Variants in BCL2 observed in about 807,000 individuals in gnomAD.
BCL2 encodes the protein BCL2 apoptosis regulator, also known as apoptosis regulator Bcl-2.
In BCL2, 1 loss-of-function variant was observed where a neutral mutation model predicts 14.2. The ratio of observed to expected loss-of-function variants is 0.07; its 90% confidence interval spans 0.02 to 0.33. The LOEUF (loss-of-function observed/expected upper bound fraction) is 0.33. Ranked by LOEUF, BCL2 falls within the 10% of genes least tolerant of loss-of-function variation. The pLI, the probability that BCL2 is intolerant of heterozygous loss-of-function variation, is 0.99. For missense variants in BCL2, 247 were observed against 305.9 expected (o/e 0.81, Z 1.44); for synonymous variants, 151 against 137.2 (o/e 1.10, Z -0.70).
At chr18:63,229,419 C>T (rs375354162) in intron 2 of BCL2, among the ~76,000 whole-genome samples, 8 of 152,090 alleles carry the variant, frequency 5.3e-5, no homozygotes, top group African/African-American at 9.7e-5. Context: ...TTTGTCCCCC[C>T]GAATCTCATA....
intron 2 of BCL2, among the ~76,000 whole-genome samples, chr18:63,223,154 C>A (rs1046982372): frequency 6.6e-6 from 1 of 152,202 alleles, no homozygotes; most frequent in Non-Finnish European, 1.5e-5. Flanking sequence ...GTAATCCCAG[C>A]ACTTTGGGAG....
At chr18:63,315,858 T>C (rs1469393161) in intron 2 of BCL2, 1 of 151,894 alleles carries the variant, frequency 6.6e-6, no homozygotes, top group Admixed American at 6.6e-5. Flanking sequence ...CATTTCCTGG[T>C]ATATATATAT....
chr18:63,217,715 G>C (rs925806245), intron 2 of BCL2, among the ~76,000 whole-genome samples: 5 of 152,178 alleles, frequency 3.3e-5, no homozygotes, highest in African/African-American at 1.2e-4. Flanking sequence ...GGCTTTATCA[G>C]TGTTGAGCCT....
intron 2 of BCL2, among the ~76,000 whole-genome samples, chr18:63,178,260 A>T (rs1214921122): frequency 6.6e-6 from 1 of 152,190 alleles, no homozygotes; most frequent in Non-Finnish European, 1.5e-5. Context: ...TCCGCCGCTG[A>T]ACAGGAAAGC....
intron 2 of BCL2, among the ~76,000 whole-genome samples, chr18:63,291,240 T>C (rs552887128): frequency 6.6e-6 from 1 of 152,348 alleles, no homozygotes; most frequent in African/African-American, 2.4e-5. Flanking sequence ...CAATATCAAA[T>C]GCTTGAGGCG....
In BCL2 at chr18:63,162,982, G is replaced by A. The variant is rs1599217669; in HGVS notation, c.586-34223C>T. 2.6e-5 allele frequency among the ~76,000 whole-genome samples: 4 copies of A among 152,338 alleles called. No individual in the cohort carries two copies. In the South Asian group the frequency reaches 8.3e-4, roughly 32 times the overall value. ...TGATCCTCTTGCCTCAACCTCCTGA[G>A]TAGCTGGGACTATAGGCATGTGCCA... On this transcript the variant is annotated intron_variant, in intron 2 of 2. Transcript: ENST00000333681.
intron 2 of BCL2, among the ~76,000 whole-genome samples, chr18:63,280,515 A>C (rs143037342): frequency 3.6e-3 from 543 of 152,348 alleles, no homozygotes; most frequent in Non-Finnish European, 6.0e-3. Context: ...AAAAATCAAC[A>C]AAGAACTTGA....
intron 2 of BCL2, among the ~76,000 whole-genome samples, chr18:63,295,179 T>C (rs983159439): frequency 2.2e-4 from 33 of 150,904 alleles, no homozygotes; most frequent in African/African-American, 7.3e-4. Context: ...AAGATAATAA[T>C]AGTAATAATT....
At chr18:63,305,386 T>C (rs1182697264) in intron 2 of BCL2, among the ~76,000 whole-genome samples, 1 of 152,204 alleles carries the variant, frequency 6.6e-6, no homozygotes, top group African/African-American at 2.4e-5. Context: ...ATATCAGCTC[T>C]TCCTGTGCTT....
chr18:63,190,848 T>C (rs1247076287), intron 2 of BCL2, among the ~76,000 whole-genome samples: 1 of 152,194 alleles, frequency 6.6e-6, no homozygotes, highest in African/African-American at 2.4e-5. Context: ...CCTGATGCTC[T>C]CCCTCTCCTC....
intron 2 of BCL2, among the ~76,000 whole-genome samples, chr18:63,218,537 C>CA (rs1910272155): frequency 6.8e-6 from 1 of 146,062 alleles, no homozygotes; most frequent in Non-Finnish European, 1.5e-5. Flanking sequence ...TATCTCTCCA[C>CA]AACCTCCCTG....
intron 2 of BCL2, among the ~76,000 whole-genome samples, chr18:63,308,211 T>C (rs1913200494): frequency 6.6e-6 from 1 of 152,224 alleles, no homozygotes. Flanking sequence ...TTCTGTCGCC[T>C]CTGGGAATGC....
chr18:63,251,768 G>A (rs1330817374), intron 2 of BCL2, among the ~76,000 whole-genome samples: 1 of 149,254 alleles, frequency 6.7e-6, no homozygotes, highest in African/African-American at 2.5e-5. Flanking sequence ...GCGTGATCTC[G>A]TCTCACTACA....
chr18:63,157,567 C>G (rs1914815745), intron 2 of BCL2, among the ~76,000 whole-genome samples: 1 of 152,240 alleles, frequency 6.6e-6, no homozygotes, highest in Non-Finnish European at 1.5e-5. Context: ...TAAACTCCAG[C>G]TGGCTTTATC....
At chr18:63,130,555 C>T (rs568392709) in intron 2 of BCL2, among the ~76,000 whole-genome samples, 2 of 152,278 alleles carry the variant, frequency 1.3e-5, no homozygotes, top group South Asian at 4.1e-4. Context: ...TGAAATTACT[C>T]CTTCTATATG....
chr18:63,143,274 G>A (rs1294545131), intron 2 of BCL2, among the ~76,000 whole-genome samples: 1 of 152,228 alleles, frequency 6.6e-6, no homozygotes, highest in Non-Finnish European at 1.5e-5. Flanking sequence ...AGCAATCATG[G>A]ATGAGTTTTA....
chr18:63,238,826 G>A (rs1457213878), intron 2 of BCL2, among the ~76,000 whole-genome samples: 1 of 152,246 alleles, frequency 6.6e-6, no homozygotes, highest in Non-Finnish European at 1.5e-5. Context: ...GTACCAGCAA[G>A]ATGAGCGTAT....
intron 2 of BCL2, among the ~76,000 whole-genome samples, chr18:63,312,363 C>G (rs1440791612): frequency 6.6e-6 from 1 of 152,190 alleles, no homozygotes; most frequent in Non-Finnish European, 1.5e-5. Flanking sequence ...CTTATTCACA[C>G]TGAAGGACAG....
intron 2 of BCL2, among the ~76,000 whole-genome samples, chr18:63,305,408 C>T (rs1162162482): frequency 6.6e-6 from 1 of 152,164 alleles, no homozygotes; most frequent in Non-Finnish European, 1.5e-5. Context: ...TTGGCTCGTA[C>T]ACACCTTTGT....
Sources: allele counts gnomAD v4.1 joint callset (sites outside exome capture counted in the v4.1 genomes callset), GRCh38; gene constraint gnomAD v4.1.1; transcripts MANE v1.5; gene names NCBI Gene and HGNC (gene_info 2026-07-23, HGNC 2026-07-21).